Variants in ZNF532 observed in about 807,000 individuals in gnomAD.
The protein encoded by ZNF532 is zinc finger protein 532.
Under a neutral mutation model 89.3 loss-of-function variants are expected in ZNF532, and 22 were observed. The observed-to-expected ratio is 0.25, with a 90% CI of 0.18 to 0.35. The LOEUF (loss-of-function observed/expected upper bound fraction) is 0.35. Among genes scored for constraint, ZNF532 ranks in the 10% least tolerant of loss-of-function variants. ZNF532 has a pLI of 1.00. For synonymous variants in ZNF532, 606 were observed against 649.6 expected, an observed-to-expected ratio of 0.93 and a Z score of 1.02; for missense variants, 1,132 against 1,643.4, an observed-to-expected ratio of 0.69 and a Z score of 5.38.
intron 7 of ZNF532, among the ~76,000 whole-genome samples, chr18:58,970,662 T>C (rs1180622837): frequency 2.6e-5 from 4 of 152,242 alleles, no homozygotes; most frequent in Middle Eastern, 3.2e-3. Context: ...TTTTGTCGGC[T>C]TTCTAATGAG....
chr18:58,901,193 T>C (rs894051763), intron 2 of ZNF532, among the ~76,000 whole-genome samples: 4 of 152,236 alleles, frequency 2.6e-5, no homozygotes, highest in Non-Finnish European at 5.9e-5. Flanking sequence ...AACTTCTCTT[T>C]TCTGGAGCTG....
rs548423877 is a variant in ZNF532 at position 58,985,576 on chromosome 18, C to T, written c.*1110C>T. Reference sequence around the variant, plus strand: ...ATTGGCCGTTACCTTAAGCACTGAGCCACCCGGGTTTAGTTCAGCCATTTC... The same window carrying T: ...ATTGGCCGTTACCTTAAGCACTGAGTCACCCGGGTTTAGTTCAGCCATTTC... On this transcript the variant is annotated 3_prime_UTR_variant, in exon 10 of 10. Coordinates refer to ENST00000591808, the MANE Select transcript of ZNF532 (RefSeq NM_001375912.1). 5.4e-3 allele frequency: 825 copies of T among 152,678 alleles called. 7 individuals are homozygous for T. Among genetic ancestry groups the T allele is most frequent in the African/African-American group, 0.018 (749 of 41,544 alleles). 9.5% of individuals were successfully genotyped at this position (152,678 alleles called of 1,614,324 possible). A position where few individuals can be genotyped will look rare whatever the true frequency, so the allele number is the denominator to read the frequency against.
rs1277271610 is a variant in ZNF532 at position 58,953,498 on chromosome 18, C to T, written c.2869-20C>T. 4.4e-6 allele frequency: 7 copies of T among 1,586,798 alleles called. No homozygotes were observed. The Admixed American group carries it at 5.5e-5, about 13-fold the overall frequency. On this transcript the variant is annotated intron_variant, in intron 6 of 9. Transcript: ENST00000591808. The stretch of plus-strand genomic sequence containing the variant: ...GTGTTGTGATTTGTGATAGATATTT[C>T]TTTTCTTTTTATAATGTAGTCTATG...
At chr18:58,942,410 A>ATCCTTC (rs2063271178) in intron 5 of ZNF532, among the ~76,000 whole-genome samples, 1 of 132,546 alleles carries the variant, frequency 7.5e-6, no homozygotes, top group African/African-American at 2.9e-5. Flanking sequence ...TTCCTTCCTA[A>ATCCTTC]GTGCAAGCCT....
chr18:58,882,730 G>A (rs1017863999), intron 2 of ZNF532, among the ~76,000 whole-genome samples: 11 of 152,200 alleles, frequency 7.2e-5, no homozygotes, highest in African/African-American at 2.7e-4. Context: ...AGAGGTGTGA[G>A]ACACCATCCC....
intron 3 of ZNF532, chr18:58,934,217 G>A (rs773365015): frequency 9.1e-6 from 4 of 439,162 alleles, no homozygotes; most frequent in Admixed American, 7.4e-5. Flanking sequence ...ACTTTGAGAC[G>A]AGCCTGACTA....
At chr18:58,923,514 C>G (rs545310488) in intron 3 of ZNF532, among the ~76,000 whole-genome samples, 1 of 152,006 alleles carries the variant, frequency 6.6e-6, no homozygotes, top group Non-Finnish European at 1.5e-5. Flanking sequence ...GTGGCTGTTG[C>G]CATCCTAGCC....
intron 2 of ZNF532, 56 bp from the exon 3 acceptor site, chr18:58,918,215 T>G: frequency 9.4e-6 from 14 of 1,485,440 alleles, no homozygotes; most frequent in Non-Finnish European, 1.3e-5. Context: ...AGGGGTTTTA[T>G]CTCATCGTGA....
rs1602753628 is a variant in ZNF532, at chr18:58,895,354, G to A, written c.-17-22917G>A. Among the ~76,000 whole-genome samples the A allele has an allele frequency of 5.3e-5, 8 of 152,372 alleles. 1 individual carries two copies. The South Asian group carries it at 1.7e-3, about 32-fold the overall frequency. On this transcript the variant is annotated intron_variant, in intron 2 of 9. Coordinates refer to ENST00000591808, the MANE Select transcript of ZNF532 (RefSeq NM_001375912.1). ...TAGGGAAAAGAGAGTCCAGAGGTCAGATAGATTTGATAAGTATTTTATGCT... is the reference window on the plus strand; with the variant it reads ...TAGGGAAAAGAGAGTCCAGAGGTCAAATAGATTTGATAAGTATTTTATGCT...
Position 58,984,145 on chromosome 18 carries a change from G to T in ZNF532, c.3585G>T (p.Gln1195His), listed in dbSNP as rs780411711. ...TGCAATTCCACGAACACATCCCTCA[G>T]CACAAATCGGATGGTTCTTCCTACC... The part of the protein sequence containing the change: ...NLLQFHEHIP[Q>H]HKSDGSSYQC... Residue 1195 changes from glutamine to histidine, a missense_variant, in exon 10 of 10, where the codon CAG (glutamine) becomes CAT (histidine). Around this residue, in one of 9 missense-constraint regions of ZNF532, gnomAD observed 415 missense variants for 604.8 expected, o/e 0.69. Transcript: ENST00000591808. The T allele has an allele frequency of 1.6e-5, 25 of 1,611,732 alleles. No individual in the cohort carries two copies. In the Admixed American group the frequency reaches 4.2e-4, roughly 27 times the overall value.
chr18:58,945,259 T>C lies in ZNF532; in HGVS notation c.2706-2808T>C, dbSNP rs551209710. On this transcript the variant is annotated intron_variant, in intron 5 of 9. Coordinates refer to ENST00000591808, the MANE Select transcript of ZNF532 (RefSeq NM_001375912.1). ...TGGTCTGTCACTGCACTGTCATTGC[T>C]GGACTCAGGCATGTGCTCTTGGTGG... Among the ~76,000 whole-genome samples the C allele has an allele frequency of 3.6e-3, 552 of 152,322 alleles. 2 individuals are homozygous for C. Among genetic ancestry groups the C allele is most frequent in the Non-Finnish European group, 5.2e-3 (356 of 68,020 alleles).
chr18:58,986,154 A>G lies in ZNF532; in HGVS notation c.*1688A>G, dbSNP rs1221561587. 1 of 152,592 alleles carries G rather than the reference A, an allele frequency of 6.6e-6. No individual in the cohort carries two copies. The highest frequency in any genetic ancestry group is 1.5e-5 in the Non-Finnish European group (1 of 68,034). The allele number at this position is 152,592 out of a possible 1,614,324, so 9.5% of individuals were successfully genotyped here. On this transcript the variant is annotated 3_prime_UTR_variant, in exon 10 of 10. Transcript: ENST00000591808. ...ACATGGGTACAATCCGAGGGTGTGA[A>G]TTTCAGCTTGAAATTCCATTGCTGT...
At chr18:58,954,167 A>G (rs1373754900) in intron 7 of ZNF532, 1 of 975,976 alleles carries the variant, frequency 1.0e-6, no homozygotes. Context: ...AGAGAAAGAC[A>G]GTGGAAATGT....
chr18:58,878,312 C>A (rs938984294), intron 2 of ZNF532, among the ~76,000 whole-genome samples: 4 of 151,964 alleles, frequency 2.6e-5, no homozygotes, highest in Non-Finnish European at 5.9e-5. Context: ...CTTCAGAGGA[C>A]ATCAGAAGGC....
chr18:58,913,096 C>T (rs532416822), intron 2 of ZNF532, among the ~76,000 whole-genome samples: 11 of 152,234 alleles, frequency 7.2e-5, no homozygotes, highest in East Asian at 3.9e-4. Context: ...GGGATAAAAG[C>T]GGCAGAAGAT....
Position 58,972,639 on chromosome 18 carries a change from C to T in ZNF532, c.3151-6416C>T, listed in dbSNP as rs1001680279. On this transcript the variant is annotated intron_variant, in intron 7 of 9. Transcript: ENST00000591808. Reference sequence around the variant, plus strand: ...GGATGACGCCTTGGCTCTGGCCACACAGGAAGAGCTGTTCTTCCTGTGTCT... The same window carrying T: ...GGATGACGCCTTGGCTCTGGCCACATAGGAAGAGCTGTTCTTCCTGTGTCT... Among the ~76,000 whole-genome samples the T allele has an allele frequency of 7.2e-5, 11 of 152,218 alleles. No homozygotes were observed. In the South Asian group the frequency reaches 1.2e-3, roughly 17 times the overall value.
intron 9 of ZNF532, 29 bp downstream of exon 9, chr18:58,981,646 G>A (rs769509236): frequency 1.9e-6 from 3 of 1,612,552 alleles, no homozygotes; most frequent in Non-Finnish European, 2.5e-6. Flanking sequence ...TTGCTTTACA[G>A]TGAAATTGTG....
At chr18:58,947,030 CTCTT>C (rs1279953070) in intron 5 of ZNF532, among the ~76,000 whole-genome samples, 2 of 152,136 alleles carry the variant, frequency 1.3e-5, no homozygotes, top group Non-Finnish European at 2.9e-5. Flanking sequence ...CTCAACTTCT[CTCTT>C]TTCATTTCTG....
chr18:58,935,025 T>C (rs2062261700), intron 4 of ZNF532, among the ~76,000 whole-genome samples: 1 of 151,966 alleles, frequency 6.6e-6, no homozygotes, highest in African/African-American at 2.4e-5. Flanking sequence ...CTTTTACTTT[T>C]ATTTGGTCCA....
Sources: allele counts gnomAD v4.1 joint callset (sites outside exome capture counted in the v4.1 genomes callset), GRCh38; gene constraint gnomAD v4.1.1; regional missense constraint gnomAD v4.1.1; transcripts MANE v1.5; gene names NCBI Gene and HGNC (gene_info 2026-07-23, HGNC 2026-07-21).